Variants in ABCA13 observed in about 807,000 individuals in gnomAD.
The protein encoded by ABCA13 is ATP-binding cassette sub-family A member 13.
A neutral mutation model predicts 478.7 loss-of-function variants in ABCA13; 476 were observed. The observed-to-expected ratio is 0.99, with a 90% confidence interval of 0.92 to 1.07. The LOEUF (loss-of-function observed/expected upper bound fraction) is 1.07. ABCA13 is among the 50% of genes least tolerant of loss of function. ABCA13 has a pLI of 0.00. For missense variants in ABCA13, 6,060 were observed against 5,910.6 expected (o/e 1.03, Z -0.83); for synonymous variants, 2,252 against 2,158.9 (o/e 1.04, Z -1.20).
At chr7:48,600,795 A>G (rs1790810305) in intron 58 of ABCA13, among the ~76,000 whole-genome samples, 1 of 152,202 alleles carries the variant, frequency 6.6e-6, no homozygotes, top group Admixed American at 6.5e-5. Context: ...ATAAGAAAAT[A>G]TATCAAAAAG....
At chr7:48,214,693 TCAGA>T in intron 3 of ABCA13, among the ~76,000 whole-genome samples, 1 of 152,216 alleles carries the variant, frequency 6.6e-6, no homozygotes, top group Non-Finnish European at 1.5e-5. Context: ...TCTGCTAACT[TCAGA>T]CTTTCCTTCT....
At chr7:48,432,652 A>G (rs1447950894) in intron 42 of ABCA13, among the ~76,000 whole-genome samples, 1 of 152,196 alleles carries the variant, frequency 6.6e-6, no homozygotes, top group Admixed American at 6.5e-5. Context: ...AAAAAGAAGC[A>G]AATTCTGTCA....
chr7:48,508,090 T>C, intron 50 of ABCA13, 41 bp downstream of exon 50: 1 of 1,612,826 alleles, frequency 6.2e-7, no homozygotes, highest in South Asian at 1.1e-5. Context: ...TCCACAATAG[T>C]GATCTAAATA....
At chr7:48,227,193 T>C in intron 5 of ABCA13, 69 bp from the exon 6 acceptor site, 1 of 1,557,344 alleles carries the variant, frequency 6.4e-7, no homozygotes, top group Non-Finnish European at 8.8e-7. Flanking sequence ...TTGTAGCATC[T>C]GTCTGTCTCA....
intron 38 of ABCA13, among the ~76,000 whole-genome samples, chr7:48,402,866 C>T (rs888911438): frequency 5.9e-5 from 9 of 152,336 alleles, no homozygotes; most frequent in South Asian, 2.1e-4. Flanking sequence ...CGAGGAGACA[C>T]TCCACTTTGG....
chr7:48,420,393 C>A lies in ABCA13; in HGVS notation c.12460-7373C>A, dbSNP rs539467242. On this transcript the variant is annotated intron_variant, in intron 41 of 61. Transcript: ENST00000435803. ...AATGTTTACTTTGTGTGGGATGGGA[C>A]CATAGAGAGTTAGAAGACTTGGCTT... 4.6e-5 allele frequency among the ~76,000 whole-genome samples: 7 copies of A among 152,194 alleles called. No homozygotes were observed. The South Asian group carries it at 8.3e-4, about 18-fold the overall frequency.
chr7:48,360,269 A>G (rs1369131661), intron 31 of ABCA13, among the ~76,000 whole-genome samples: 1 of 141,448 alleles, frequency 7.1e-6, no homozygotes, highest in Non-Finnish European at 1.5e-5. Flanking sequence ...GTTCCCACCT[A>G]TGAGTGAGGA....
At chr7:48,642,095 C>T (rs1335389852) in intron 59 of ABCA13, among the ~76,000 whole-genome samples, 1 of 152,158 alleles carries the variant, frequency 6.6e-6, no homozygotes, top group Non-Finnish European at 1.5e-5. Flanking sequence ...AAACCATTAA[C>T]TCGAATGATG....
intron 2 of ABCA13, among the ~76,000 whole-genome samples, chr7:48,197,357 A>G (rs1415779999): frequency 6.6e-6 from 1 of 152,204 alleles, no homozygotes; most frequent in Admixed American, 6.5e-5. Context: ...GGGGCGCTGG[A>G]CAGGCATCTC....
At chr7:48,400,303 A>G (rs1462006458) in intron 38 of ABCA13, among the ~76,000 whole-genome samples, 4 of 152,226 alleles carry the variant, frequency 2.6e-5, no homozygotes, top group Non-Finnish European at 2.9e-5. Context: ...GGTGCCAGGC[A>G]TTGTAGGGGT....
intron 55 of ABCA13, among the ~76,000 whole-genome samples, chr7:48,533,128 A>G (rs564356450): frequency 1.2e-4 from 19 of 152,086 alleles, no homozygotes; most frequent in Non-Finnish European, 2.6e-4. Context: ...TGATGTAGGC[A>G]TTTAAGGCTA....
intron 55 of ABCA13, among the ~76,000 whole-genome samples, chr7:48,565,214 C>CTTTTTTTTTTTT (rs10559411): frequency 8.8e-6 from 1 of 113,774 alleles, no homozygotes; most frequent in Admixed American, 9.0e-5. Flanking sequence ...ATTTAATGAG[C>CTTTTTTTTTTTT]TTTTTTTTTT....
chr7:48,269,006 G>C lies in ABCA13; in HGVS notation c.2032G>C (p.Glu678Gln), dbSNP rs752540527. ...LAFPEESPCF[E>Q]ENMDWKMISD... The stretch of plus-strand genomic sequence containing the variant: ...TTTTCCTGAGGAATCTCCTTGTTTT[G>C]AAGAAAACATGGATTGGAAAATGAT... Residue 678 changes from glutamate to glutamine, a missense_variant, in exon 16 of 62, where the codon GAA (glutamate) becomes CAA (glutamine). By Grantham distance (29) the Glu-to-Gln change is conservative. Around this residue, in one of 3 missense-constraint regions of ABCA13, gnomAD observed 4,423 missense variants for 4,309.1 expected, o/e 1.03. Transcript: ENST00000435803. 1.3e-6 allele frequency: 2 copies of C among 1,591,968 alleles called. No individual in the cohort carries two copies. The highest frequency in any genetic ancestry group is 1.7e-6 in the Non-Finnish European group (2 of 1,162,892).
chr7:48,236,610 T>A (rs1024987764), intron 8 of ABCA13, among the ~76,000 whole-genome samples: 2 of 152,236 alleles, frequency 1.3e-5, no homozygotes, highest in Admixed American at 6.5e-5. Flanking sequence ...TCTTCTCATA[T>A]CCCATCACTT....
chr7:48,460,827 G>T (rs10268515), intron 43 of ABCA13, among the ~76,000 whole-genome samples: 2 of 152,126 alleles, frequency 1.3e-5, no homozygotes, highest in African/African-American at 2.4e-5. Context: ...GATTGTTGGT[G>T]TATATTTGTT....
rs534091429 is a variant in ABCA13, at chr7:48,333,864, A to T, written c.10000-1558A>T. 1.2e-4 allele frequency among the ~76,000 whole-genome samples: 19 copies of T among 152,276 alleles called. No homozygotes were observed. In the South Asian group the frequency reaches 2.7e-3, roughly 22 times the overall value. Reference sequence around the variant, plus strand: ...GCAGCCAGTGTTTCCAGGCCAGGTCACTTGATATTGTGGAATACTCCTTGC... The same window carrying T: ...GCAGCCAGTGTTTCCAGGCCAGGTCTCTTGATATTGTGGAATACTCCTTGC... On this transcript the variant is annotated intron_variant, in intron 27 of 61. Coordinates refer to ENST00000435803, the MANE Select transcript of ABCA13 (RefSeq NM_152701.5).
At chr7:48,238,472 T>A (rs529360834) in intron 8 of ABCA13, among the ~76,000 whole-genome samples, 1 of 152,166 alleles carries the variant, frequency 6.6e-6, no homozygotes, top group South Asian at 2.1e-4. Context: ...AAGTTCTTTT[T>A]TTTTTTTTTT....
At chr7:48,429,965 G>A (rs1821920492) in intron 42 of ABCA13, among the ~76,000 whole-genome samples, 2 of 152,082 alleles carry the variant, frequency 1.3e-5, no homozygotes, top group South Asian at 4.1e-4. Context: ...GAGCATTTTT[G>A]TATCTTTATA....
chr7:48,372,222 G>A lies in ABCA13; in HGVS notation c.10858G>A (p.Glu3620Lys), dbSNP rs766111823. 3 of 1,613,668 alleles carry A rather than the reference G, an allele frequency of 1.9e-6. No homozygotes were observed. Among genetic ancestry groups the A allele is most frequent in the African/African-American group, 2.7e-5 (2 of 74,902 alleles). Residue 3620 changes from glutamate to lysine, a missense_variant, in exon 33 of 62, where the codon GAG (glutamate) becomes AAG (lysine). By Grantham distance (56) the Glu-to-Lys change is moderately conservative. Transcript: ENST00000435803. The part of the protein sequence containing the change: ...PVIHFLAWFL[E>K]NMAVLTISSA... ...GATCCATTTCCTGGCCTGGTTCCTG[G>A]AGAACATGGCTGTGTTGACCATAAG...
Sources: allele counts gnomAD v4.1 joint callset (sites outside exome capture counted in the v4.1 genomes callset), GRCh38; gene constraint gnomAD v4.1.1; regional missense constraint gnomAD v4.1.1; transcripts MANE v1.5; gene names NCBI Gene and HGNC (gene_info 2026-07-23, HGNC 2026-07-21).